CHM: variants seen among roughly 807,000 people sequenced by gnomAD.
CHM encodes CHM Rab escort protein, also known as rab proteins geranylgeranyltransferase component A 1.
Under a neutral mutation model 49.0 loss-of-function variants are expected in CHM, and 10 were observed. The observed-to-expected ratio is 0.20, with a 90% CI of 0.13 to 0.35. The LOEUF (loss-of-function observed/expected upper bound fraction) is 0.35. Among genes scored for constraint, CHM ranks in the 10% least tolerant of loss-of-function variants. The pLI, the probability that CHM is intolerant of heterozygous loss-of-function variation, is 1.00. For missense variants in CHM, 455 were observed against 478.4 expected (o/e 0.95, Z 0.46); for synonymous variants, 184 against 167.5 (o/e 1.10, Z -0.76).
chrX:86,016,014 T>C (rs1019808718), intron 2 of CHM, among the ~76,000 whole-genome samples: 15 of 110,417 alleles, frequency 1.4e-4, no homozygotes, highest in African/African-American at 5.0e-4. Context: ...GCACCTCTAA[T>C]CCTATCTACT....
chrX:85,938,664 A>G (rs1413156189), intron 8 of CHM, among the ~76,000 whole-genome samples: 1 of 109,779 alleles, frequency 9.1e-6, no homozygotes, highest in Non-Finnish European at 1.9e-5. Flanking sequence ...TTATACGCAC[A>G]ATATTTGGCA....
intron 14 of CHM, 140 bp from the exon 15 acceptor site, chrX:85,864,961 A>G: frequency 1.9e-6 from 1 of 533,067 alleles, no homozygotes. Flanking sequence ...ATCAGAATAC[A>G]TGAACTTCCG....
Position 85,894,201 on chromosome X carries a change from G to A in CHM, c.1497C>T (p.Cys499=), listed in dbSNP as rs132630267. The A allele has an allele frequency of 8.3e-7, 1 of 1,206,025 alleles. No individual in the cohort carries two copies. The highest frequency in any genetic ancestry group is 1.1e-6 in the Non-Finnish European group (1 of 890,679). Residue 499 remains cysteine, a synonymous_variant, in exon 12 of 15, where the codon TGC becomes TGT. Transcript: ENST00000357749. ...VIELCSSTMT[C]MKGTYLVHLT... is the part of the protein sequence containing the mutation. ...TACTATGCTTACAGGTGCCTTTCAT[G>A]CATGTCATCGTTGAAGAACATAACT...
chrX:85,958,767 T>C lies in CHM; in HGVS notation c.819+94A>G, dbSNP rs1054702612. 13 of 1,173,447 alleles carry C rather than the reference T, an allele frequency of 1.1e-5. No homozygotes were observed. In the East Asian group the frequency reaches 1.5e-4, roughly 14 times the overall value. On this transcript the variant is annotated intron_variant, in intron 6 of 14. Transcript: ENST00000357749. ...CGGAGGACTGGAATTTACTGCTTTA[T>C]GAGGAAAATAACAATCTTATTTGCT... is the stretch of plus-strand genomic sequence containing the variant.
chrX:86,001,729 C>T (rs922189064), intron 2 of CHM, among the ~76,000 whole-genome samples: 4 of 110,613 alleles, frequency 3.6e-5, no homozygotes, highest in African/African-American at 1.3e-4. Context: ...CCACCAGGCC[C>T]CACCTACTAA....
intron 1 of CHM, among the ~76,000 whole-genome samples, chrX:86,029,524 A>G (rs1207937121): frequency 8.9e-6 from 1 of 111,974 alleles, no homozygotes; most frequent in Non-Finnish European, 1.9e-5. Context: ...GTATTTTCAC[A>G]TACATCATCT....
At chrX:85,946,956 GC>G (rs764952050) in intron 8 of CHM, among the ~76,000 whole-genome samples, 8 of 112,535 alleles carry the variant, frequency 7.1e-5, no homozygotes, top group Non-Finnish European at 1.3e-4. Context: ...GGGGCCTGTA[GC>G]CCCCCTTTTT....
intron 8 of CHM, among the ~76,000 whole-genome samples, chrX:85,919,770 G>A (rs961131243): frequency 9.0e-6 from 1 of 111,608 alleles, no homozygotes; most frequent in Non-Finnish European, 1.9e-5. Flanking sequence ...GGTTACATGT[G>A]CACATACATT....
chrX:86,031,853 T>A (rs1046337841), intron 1 of CHM, among the ~76,000 whole-genome samples: 2 of 111,490 alleles, frequency 1.8e-5, no homozygotes, highest in African/African-American at 6.5e-5. Flanking sequence ...AAAAAAAAAA[T>A]TTATTTAGGA....
At chrX:85,986,623 A>G (rs1238210759) in intron 2 of CHM, among the ~76,000 whole-genome samples, 1 of 112,192 alleles carries the variant, frequency 8.9e-6, no homozygotes, top group Non-Finnish European at 1.9e-5. Context: ...AAGACCCTGT[A>G]CGAAGCCTCG....
chrX:86,015,407 G>A (rs188774534), intron 2 of CHM, among the ~76,000 whole-genome samples: 7 of 111,683 alleles, frequency 6.3e-5, no homozygotes, highest in Non-Finnish European at 1.1e-4. Context: ...TCTCAATCTC[G>A]GGTATGACTT....
At chrX:85,943,388 G>A (rs1410988211) in intron 8 of CHM, among the ~76,000 whole-genome samples, 2 of 111,946 alleles carry the variant, frequency 1.8e-5, no homozygotes, top group Admixed American at 9.5e-5. Context: ...AATGCTTATC[G>A]AATGCACAAA....
intron 2 of CHM, among the ~76,000 whole-genome samples, chrX:86,021,885 T>C (rs760505788): frequency 8.9e-6 from 1 of 111,877 alleles, no homozygotes; most frequent in Non-Finnish European, 1.9e-5. Context: ...TGGATAAGCC[T>C]TGAGGACACT....
intron 2 of CHM, among the ~76,000 whole-genome samples, chrX:86,002,945 T>C (rs1022510680): frequency 2.7e-5 from 3 of 112,350 alleles, no homozygotes; most frequent in Non-Finnish European, 5.6e-5. Context: ...AGTGGGTCCC[T>C]GACCCCCGTG....
At chrX:85,980,290 T>C (rs761927932) in intron 3 of CHM, among the ~76,000 whole-genome samples, 9 of 111,718 alleles carry the variant, frequency 8.1e-5, no homozygotes, top group South Asian at 3.8e-4. Context: ...TCAAAGTAAA[T>C]ACATGAATAT....
intron 1 of CHM, 88 bp from the exon 2 acceptor site, chrX:86,027,645 A>G (rs1276033862): frequency 3.9e-6 from 3 of 769,058 alleles, no homozygotes; most frequent in Non-Finnish European, 5.9e-6. Flanking sequence ...GCTGTATAGA[A>G]CAGTTTAACC....
intron 4 of CHM, among the ~76,000 whole-genome samples, chrX:85,977,208 C>T (rs781430548): frequency 8.9e-6 from 1 of 112,189 alleles, no homozygotes; most frequent in South Asian, 3.7e-4. Flanking sequence ...GTTCTCAAGG[C>T]TTTTCCTGCT....
At chrX:85,997,064 C>A (rs896161356) in intron 2 of CHM, among the ~76,000 whole-genome samples, 6 of 111,983 alleles carry the variant, frequency 5.4e-5, no homozygotes, top group African/African-American at 1.9e-4. Context: ...TTAATGTTGG[C>A]AAATAAACCT....
In CHM at chrX:85,980,281, C is replaced by T. The variant is rs1308196565; in HGVS notation, c.190-1390G>A. 4.5e-5 allele frequency among the ~76,000 whole-genome samples: 5 copies of T among 111,378 alleles called. No homozygotes were observed. The Admixed American group carries it at 4.8e-4, about 11-fold the overall frequency. On this transcript the variant is annotated intron_variant, in intron 3 of 14. Transcript: ENST00000357749. Reference sequence around the variant, plus strand: ...TGAGGTGCAAAAAAGAGTTTCTGATCAAAGTAAATACATGAATATTTAAGC... The same window carrying T: ...TGAGGTGCAAAAAAGAGTTTCTGATTAAAGTAAATACATGAATATTTAAGC...
Sources: allele counts gnomAD v4.1 joint callset (sites outside exome capture counted in the v4.1 genomes callset), GRCh38; gene constraint gnomAD v4.1.1; transcripts MANE v1.5; gene names NCBI Gene and HGNC (gene_info 2026-07-23, HGNC 2026-07-21).